The following ZNF438 variants were observed in gnomAD, a reference collection of about 807,000 sequenced individuals.
The protein encoded by ZNF438 is zinc finger protein 438.
A neutral mutation model predicts 38.0 loss-of-function variants in ZNF438; 25 were observed. The observed-to-expected ratio is 0.66, with a 90% CI of 0.48 to 0.92. The LOEUF (loss-of-function observed/expected upper bound fraction) is 0.92. ZNF438 is among the 40% of genes least tolerant of loss of function. The pLI is 0.00. For synonymous variants in ZNF438, 372 were observed against 364.1 expected, an observed-to-expected ratio of 1.02 and a Z score of -0.25; for missense variants, 1,007 against 999.6, an observed-to-expected ratio of 1.01 and a Z score of -0.10.
chr10:30,935,899 C>G (rs995800718), intron 2 of ZNF438, among the ~76,000 whole-genome samples: 1 of 152,010 alleles, frequency 6.6e-6, no homozygotes, highest in Non-Finnish European at 1.5e-5. Flanking sequence ...TCACCTCCCA[C>G]CAGGTCTCTC....
intron 3 of ZNF438, among the ~76,000 whole-genome samples, chr10:30,880,157 G>A (rs1195701625): frequency 2.0e-5 from 3 of 152,024 alleles, no homozygotes; most frequent in Non-Finnish European, 4.4e-5. Flanking sequence ...CTGGCTGGAC[G>A]CGGAGGCTCA....
chr10:30,930,175 T>G (rs879891957), intron 2 of ZNF438, among the ~76,000 whole-genome samples: 295 of 96,906 alleles, frequency 3.0e-3, no homozygotes, highest in South Asian at 4.5e-3. Flanking sequence ...GGGGGGGGAG[T>G]GCGGGGCTCA....
intron 4 of ZNF438, among the ~76,000 whole-genome samples, chr10:30,876,590 A>T (rs1361302941): frequency 6.6e-6 from 1 of 152,228 alleles, no homozygotes; most frequent in Non-Finnish European, 1.5e-5. Context: ...ATATCCTCTA[A>T]GTGTATGTCT....
chr10:30,920,805 C>G (rs1184010862), intron 2 of ZNF438: 2 of 152,110 alleles, frequency 1.3e-5, no homozygotes, highest in Non-Finnish European at 2.9e-5. Flanking sequence ...CAGTAGAAAA[C>G]TTGGTTTAGA....
chr10:30,848,732 T>C, exon 5 of ZNF438: 11 of 1,614,272 alleles, frequency 6.8e-6, no homozygotes, highest in Non-Finnish European at 9.3e-6. Flanking sequence ...GTTCTCACCA[T>C]GATGAAGTTT....
At chr10:30,934,243 C>T (rs757615616) in intron 2 of ZNF438, among the ~76,000 whole-genome samples, 6 of 152,028 alleles carry the variant, frequency 3.9e-5, no homozygotes, top group Non-Finnish European at 8.8e-5. Flanking sequence ...AAGAGTTGCA[C>T]GCACTCAGGA....
intron 1 of ZNF438, among the ~76,000 whole-genome samples, chr10:30,953,793 G>T (rs1472121942): frequency 6.6e-6 from 1 of 152,118 alleles, no homozygotes; most frequent in Non-Finnish European, 1.5e-5. Flanking sequence ...GTGGATAGAT[G>T]AATAACTCTT....
At chr10:30,868,087 G>C (rs1374799389) in intron 4 of ZNF438, among the ~76,000 whole-genome samples, 3 of 96,686 alleles carry the variant, frequency 3.1e-5, no homozygotes, top group Non-Finnish European at 6.7e-5. Flanking sequence ...TTTTTTTTTT[G>C]AGACGGAGTT....
intron 2 of ZNF438, among the ~76,000 whole-genome samples, chr10:30,916,993 T>C (rs897173010): frequency 1.3e-5 from 2 of 152,046 alleles, no homozygotes; most frequent in African/African-American, 4.8e-5. Context: ...TTTTATTTCT[T>C]GAGGCAAAAT....
chr10:30,921,258 C>T (rs936993977), intron 2 of ZNF438: 1 of 152,120 alleles, frequency 6.6e-6, no homozygotes, highest in Non-Finnish European at 1.5e-5. Context: ...ACATCTTTAC[C>T]TTTCAACGTC....
chr10:30,941,662 A>G lies in ZNF438; in HGVS notation c.-191-11T>C, dbSNP rs2046830590. ...GGCATTCATTTTTATCTGAAAACAA[A>G]TGTAGTGGAAATAACAAAATTATAA... On this transcript the variant is annotated splice_polypyrimidine_tract_variant and intron_variant, in intron 1 of 5. Coordinates refer to ENST00000413025, the Ensembl canonical transcript of ZNF438. The G allele has an allele frequency of 6.6e-6, 1 of 152,218 alleles. No homozygotes were observed. Among genetic ancestry groups the G allele is most frequent in the Admixed American group, 6.5e-5 (1 of 15,284 alleles). 9.4% of individuals were successfully genotyped at this position (152,218 alleles called of 1,614,324 possible).
chr10:31,006,074 T>G (rs1402676269), intron 1 of ZNF438, among the ~76,000 whole-genome samples: 1 of 152,208 alleles, frequency 6.6e-6, no homozygotes, highest in Non-Finnish European at 1.5e-5. Context: ...CATGGTATGA[T>G]ATTGTGAAAT....
chr10:30,845,196 T>C, exon 6 of ZNF438: 1 of 1,614,130 alleles, frequency 6.2e-7, no homozygotes, highest in East Asian at 2.2e-5. Context: ...CCTTGGCTTG[T>C]TGGTTCCTGA....
intron 3 of ZNF438, among the ~76,000 whole-genome samples, chr10:30,902,871 T>C (rs2994622): frequency 0.78 from 118,345 of 151,726 alleles, 46,924 homozygotes; most frequent in African/African-American, 0.89. Context: ...TGGTGCTCCT[T>C]GGGGAGGCTC....
At chr10:30,990,335 T>C (rs2053346359) in intron 1 of ZNF438, among the ~76,000 whole-genome samples, 1 of 152,128 alleles carries the variant, frequency 6.6e-6, no homozygotes, top group South Asian at 2.1e-4. Context: ...TTTCAAACCT[T>C]AATGAACAAA....
chr10:30,969,259 A>AT (rs1216968868), intron 1 of ZNF438, among the ~76,000 whole-genome samples: 4 of 152,126 alleles, frequency 2.6e-5, no homozygotes, highest in East Asian at 3.9e-4. Flanking sequence ...AAATCAAAAG[A>AT]TTTTTTCCCT....
At chr10:30,985,052 A>C (rs538351450) in intron 1 of ZNF438, among the ~76,000 whole-genome samples, 1 of 152,190 alleles carries the variant, frequency 6.6e-6, no homozygotes, top group African/African-American at 2.4e-5. Context: ...TGTGCAATGA[A>C]GCCAGTTGTC....
chr10:30,845,466 T>A, exon 6 of ZNF438: 2 of 1,614,150 alleles, frequency 1.2e-6, no homozygotes, highest in South Asian at 1.1e-5. Context: ...AAATTTTATT[T>A]CCGCAAAAGA....
intron 4 of ZNF438, among the ~76,000 whole-genome samples, chr10:30,859,138 T>C (rs1471128088): frequency 6.6e-6 from 1 of 152,168 alleles, no homozygotes; most frequent in Non-Finnish European, 1.5e-5. Flanking sequence ...TGGACTGCAG[T>C]GGTGTAATCA....
Sources: gnomAD v4.1 joint callset for allele counts (sites outside exome capture counted in the v4.1 genomes callset) on GRCh38, gnomAD v4.1.1 for gene constraint, MANE v1.5 for transcripts, NCBI Gene and HGNC (gene_info 2026-07-23, HGNC 2026-07-21) for gene names.